The following RASGRF2 variants were observed in gnomAD, a reference collection of about 807,000 sequenced individuals.
RASGRF2 encodes ras-specific guanine nucleotide-releasing factor 2.
RASGRF2 carries 76 observed loss-of-function variants against 151.0 expected under a neutral mutation model. That is an observed-to-expected ratio of 0.50 (90% confidence interval 0.42 to 0.61). The LOEUF is 0.61. Among genes scored for constraint, RASGRF2 ranks in the 20% least tolerant of loss-of-function variants. The pLI is 0.00. For missense variants in RASGRF2, 1,148 were observed against 1,564.6 expected, an observed-to-expected ratio of 0.73 and a Z score of 4.49; for synonymous variants, 504 against 566.5, an observed-to-expected ratio of 0.89 and a Z score of 1.57.
intron 12 of RASGRF2, among the ~76,000 whole-genome samples, chr5:81,108,304 A>G (rs551520300): frequency 3.9e-5 from 6 of 152,354 alleles, no homozygotes; most frequent in Non-Finnish European, 5.9e-5. Flanking sequence ...TAAGGCATAG[A>G]TTAAATAATG....
At chr5:81,207,712 G>A (rs1192234331) in intron 21 of RASGRF2, among the ~76,000 whole-genome samples, 2 of 152,252 alleles carry the variant, frequency 1.3e-5, no homozygotes, top group African/African-American at 4.8e-5. Context: ...GATCAGGAAT[G>A]CTGCCCTGAA....
chr5:81,052,851 T>A (rs1751057573), intron 2 of RASGRF2, among the ~76,000 whole-genome samples: 1 of 152,204 alleles, frequency 6.6e-6, no homozygotes, highest in Non-Finnish European at 1.5e-5. Context: ...TCTCCTGGCA[T>A]GAGGAACGCT....
chr5:81,031,624 C>T (rs1369934378), intron 1 of RASGRF2, among the ~76,000 whole-genome samples: 1 of 152,054 alleles, frequency 6.6e-6, no homozygotes, highest in African/African-American at 2.4e-5. Context: ...ACCACATACC[C>T]AAATCTCTGG....
chr5:80,981,043 C>T (rs908414733), intron 1 of RASGRF2, among the ~76,000 whole-genome samples: 2 of 152,198 alleles, frequency 1.3e-5, no homozygotes, highest in Non-Finnish European at 2.9e-5. Context: ...CCACATTTGT[C>T]TAAAAGCCAC....
At chr5:81,135,366 G>C (rs1417744524) in intron 17 of RASGRF2, among the ~76,000 whole-genome samples, 1 of 152,098 alleles carries the variant, frequency 6.6e-6, no homozygotes, top group South Asian at 2.1e-4. Flanking sequence ...CCAGAGTTGG[G>C]CAACAGTCAC....
chr5:81,179,690 G>A (rs187317555), intron 17 of RASGRF2, among the ~76,000 whole-genome samples: 27 of 152,284 alleles, frequency 1.8e-4, no homozygotes, highest in Middle Eastern at 3.4e-3. Context: ...ATTCTTAGCC[G>A]TGATGCTGTA....
At chr5:81,063,889 T>C (rs911750220) in intron 2 of RASGRF2, among the ~76,000 whole-genome samples, 2 of 152,360 alleles carry the variant, frequency 1.3e-5, no homozygotes, top group East Asian at 1.9e-4. Context: ...CATGTCTTTC[T>C]GTAGGTAGTA....
chr5:81,004,657 G>T (rs1167871439), intron 1 of RASGRF2, among the ~76,000 whole-genome samples: 1 of 152,190 alleles, frequency 6.6e-6, no homozygotes, highest in Non-Finnish European at 1.5e-5. Flanking sequence ...GGCCAAGCCT[G>T]GCTTGTTCCT....
intron 10 of RASGRF2, 89 bp from the exon 11 acceptor site, chr5:81,094,207 T>C (rs915387135): frequency 1.3e-5 from 13 of 1,033,678 alleles, no homozygotes; most frequent in Non-Finnish European, 1.6e-5. Flanking sequence ...CTTTCTTCCA[T>C]GGCAACTTGA....
chr5:81,100,266 G>C (rs1348002431), intron 12 of RASGRF2, among the ~76,000 whole-genome samples: 1 of 152,130 alleles, frequency 6.6e-6, no homozygotes, highest in Non-Finnish European at 1.5e-5. Context: ...CTAAGCTACT[G>C]TATTGTATTA....
intron 17 of RASGRF2, among the ~76,000 whole-genome samples, chr5:81,178,620 G>T (rs138314755): frequency 6.6e-6 from 1 of 152,324 alleles, no homozygotes; most frequent in Non-Finnish European, 1.5e-5. Flanking sequence ...TGGATATAGG[G>T]ACATGAAGGT....
intron 17 of RASGRF2, among the ~76,000 whole-genome samples, chr5:81,128,321 G>A (rs1753525056): frequency 6.6e-6 from 1 of 152,204 alleles, no homozygotes; most frequent in Admixed American, 6.5e-5. Flanking sequence ...GGTAACAGAT[G>A]TTAGTTAGCT....
At chr5:81,115,442 A>G (rs1753124590) in intron 15 of RASGRF2, among the ~76,000 whole-genome samples, 1 of 152,180 alleles carries the variant, frequency 6.6e-6, no homozygotes. Flanking sequence ...ACCCAGCGCC[A>G]GTGCTTGGGA....
intron 9 of RASGRF2, among the ~76,000 whole-genome samples, chr5:81,090,450 C>A (rs1481208473): frequency 6.6e-6 from 1 of 152,150 alleles, no homozygotes; most frequent in Non-Finnish European, 1.5e-5. Context: ...GCGAGGAATC[C>A]TTTCTTCATA....
chr5:81,036,035 C>A (rs993116513), intron 1 of RASGRF2, among the ~76,000 whole-genome samples: 5 of 152,032 alleles, frequency 3.3e-5, no homozygotes, highest in African/African-American at 1.2e-4. Context: ...TTAGAATTAC[C>A]ATTTTTTAAA....
intron 21 of RASGRF2, among the ~76,000 whole-genome samples, chr5:81,208,064 G>A (rs1755549645): frequency 6.6e-6 from 1 of 152,196 alleles, no homozygotes; most frequent in South Asian, 2.1e-4. Flanking sequence ...CCTTGTGTTG[G>A]TTCTTGTTTT....
chr5:80,967,730 G>A (rs1747768562), intron 1 of RASGRF2, among the ~76,000 whole-genome samples: 1 of 152,150 alleles, frequency 6.6e-6, no homozygotes, highest in Admixed American at 6.5e-5. Context: ...AAGCTAGGAG[G>A]TTTCCTGCAT....
intron 16 of RASGRF2, among the ~76,000 whole-genome samples, chr5:81,124,127 A>G (rs1753389551): frequency 6.6e-6 from 1 of 152,216 alleles, no homozygotes; most frequent in Non-Finnish European, 1.5e-5. Flanking sequence ...GTGGTTTAAA[A>G]TATACAGGAA....
chr5:81,150,291 C>CT (rs1383681480), intron 17 of RASGRF2, among the ~76,000 whole-genome samples: 2 of 152,154 alleles, frequency 1.3e-5, no homozygotes, highest in African/African-American at 4.8e-5. Flanking sequence ...GGGGCAGCCT[C>CT]TTTAAGTCTC....
Sources: gnomAD v4.1 joint callset for allele counts (sites outside exome capture counted in the v4.1 genomes callset) on GRCh38, gnomAD v4.1.1 for gene constraint, MANE v1.5 for transcripts, NCBI Gene and HGNC (gene_info 2026-07-23, HGNC 2026-07-21) for gene names.